CDH20: variants seen among roughly 807,000 people sequenced by gnomAD.
The protein encoded by CDH20 is cadherin-20.
In CDH20, 29 loss-of-function variants were observed where a neutral mutation model predicts 74.2. That is an observed-to-expected ratio of 0.39 (90% CI 0.29 to 0.53). The LOEUF (loss-of-function observed/expected upper bound fraction) is 0.53. Among genes scored for constraint, CDH20 ranks in the 20% least tolerant of loss-of-function variants. The probability of loss-of-function intolerance (pLI) is 0.69; values close to 1 mark genes in which losing one functional copy is unlikely to be tolerated. For synonymous variants in CDH20, 469 were observed against 405.4 expected, an observed-to-expected ratio of 1.16 and a Z score of -1.88; for missense variants, 988 against 1,048.3, an observed-to-expected ratio of 0.94 and a Z score of 0.79.
chr18:61,520,765 A>G (rs746175419), intron 6 of CDH20, among the ~76,000 whole-genome samples: 3 of 151,296 alleles, frequency 2.0e-5, no homozygotes, highest in Non-Finnish European at 2.9e-5. Context: ...ATCAAATTAG[A>G]ACTCAGGATT....
chr18:61,469,644 T>C (rs111774334), intron 1 of CDH20, among the ~76,000 whole-genome samples: 1,715 of 152,312 alleles, frequency 0.011, 31 homozygotes, highest in African/African-American at 0.038. Context: ...AGCAGGGAGC[T>C]TGTGGCATTT....
chr18:61,456,486 T>G (rs537261084), intron 1 of CDH20, among the ~76,000 whole-genome samples: 1 of 152,212 alleles, frequency 6.6e-6, no homozygotes, highest in Non-Finnish European at 1.5e-5. Context: ...GCTGCTTTTA[T>G]GTTTAAAAAT....
In CDH20 at chr18:61,341,126, A is replaced by C. The variant is rs568141276; in HGVS notation, c.-153+7299A>C. On this transcript the variant is annotated intron_variant, in intron 1 of 11. Coordinates refer to ENST00000262717, the MANE Select transcript of CDH20 (RefSeq NM_031891.4). ...CGTACCCACCTCCCACACGGGTGCCAATGTTCTCTTATGTTTTACTCTGTC... is the reference window on the plus strand; with the variant it reads ...CGTACCCACCTCCCACACGGGTGCCCATGTTCTCTTATGTTTTACTCTGTC... Among the ~76,000 whole-genome samples, 47 of 152,302 alleles carry C rather than the reference A, an allele frequency of 3.1e-4. 2 individuals are homozygous for C. The South Asian group carries it at 4.6e-3, about 15-fold the overall frequency.
intron 1 of CDH20, among the ~76,000 whole-genome samples, chr18:61,472,282 G>A (rs754742364): frequency 2.6e-5 from 4 of 152,020 alleles, no homozygotes; most frequent in Non-Finnish European, 5.9e-5. Context: ...GGCTGGCTGG[G>A]TCTTACTTCC....
chr18:61,444,229 C>G (rs889634464), intron 1 of CDH20, among the ~76,000 whole-genome samples: 10 of 152,024 alleles, frequency 6.6e-5, no homozygotes, highest in Non-Finnish European at 2.9e-5. Context: ...AGACTAGTAT[C>G]TAATACATAG....
intron 1 of CDH20, among the ~76,000 whole-genome samples, chr18:61,429,537 G>T (rs1913182999): frequency 2.6e-5 from 4 of 152,274 alleles, no homozygotes; most frequent in Middle Eastern, 6.8e-3. Flanking sequence ...GCTCCGAAGA[G>T]AAATCGTGTT....
chr18:61,489,203 T>C (rs867507034), intron 1 of CDH20, among the ~76,000 whole-genome samples: 60 of 152,324 alleles, frequency 3.9e-4, no homozygotes, highest in African/African-American at 1.3e-3. Flanking sequence ...AGTTTAAAAT[T>C]TCTTTTGTAC....
intron 1 of CDH20, among the ~76,000 whole-genome samples, chr18:61,416,233 C>T (rs770873833): frequency 1.3e-5 from 2 of 152,090 alleles, no homozygotes; most frequent in Non-Finnish European, 2.9e-5. Context: ...ATAGTTAAAA[C>T]CATTTTTAAA....
At chr18:61,361,226 A>G (rs1910683192) in intron 1 of CDH20, among the ~76,000 whole-genome samples, 1 of 152,344 alleles carries the variant, frequency 6.6e-6, no homozygotes, top group East Asian at 1.9e-4. Context: ...GCTAGGGGGA[A>G]GGAGGTAAAC....
intron 7 of CDH20, among the ~76,000 whole-genome samples, chr18:61,530,903 T>G (rs1912613699): frequency 6.6e-6 from 1 of 152,132 alleles, no homozygotes; most frequent in Admixed American, 6.5e-5. Context: ...TGTCCTCAGC[T>G]AAGTGACAAG....
chr18:61,536,261 T>C (rs956202442), intron 7 of CDH20, among the ~76,000 whole-genome samples: 15 of 152,204 alleles, frequency 9.9e-5, no homozygotes, highest in Non-Finnish European at 1.8e-4. Context: ...GTCGGCACCC[T>C]GTTTATTTCA....
intron 1 of CDH20, among the ~76,000 whole-genome samples, chr18:61,479,963 A>T (rs981827592): frequency 1.3e-5 from 2 of 152,220 alleles, no homozygotes; most frequent in Admixed American, 6.5e-5. Context: ...AGCAATTTTC[A>T]TCATAGACTT....
chr18:61,414,440 C>T (rs574373086), intron 1 of CDH20, among the ~76,000 whole-genome samples: 3 of 152,178 alleles, frequency 2.0e-5, no homozygotes, highest in Non-Finnish European at 2.9e-5. Context: ...AATTAGGGCA[C>T]GTCATCATTT....
At chr18:61,384,161 G>A (rs1425912044) in intron 1 of CDH20, among the ~76,000 whole-genome samples, 1 of 152,088 alleles carries the variant, frequency 6.6e-6, no homozygotes, top group African/African-American at 2.4e-5. Flanking sequence ...CAGGCTACCA[G>A]GTATCTTCAC....
At chr18:61,433,386 C>T (rs1416514550) in intron 1 of CDH20, among the ~76,000 whole-genome samples, 3 of 151,976 alleles carry the variant, frequency 2.0e-5, no homozygotes, top group African/African-American at 4.8e-5. Flanking sequence ...CTTTGTATTG[C>T]CTTTTTTATT....
chr18:61,423,928 A>G (rs1448261479), intron 1 of CDH20, among the ~76,000 whole-genome samples: 2 of 152,172 alleles, frequency 1.3e-5, no homozygotes, highest in Non-Finnish European at 2.9e-5. Context: ...TCCTTTCTAA[A>G]TGTTTATATT....
rs568268189 is a variant in CDH20 at position 61,494,755 on chromosome 18, T to C, written c.246+3956T>C. On this transcript the variant is annotated intron_variant, in intron 2 of 11. Coordinates refer to ENST00000262717, the MANE Select transcript of CDH20 (RefSeq NM_031891.4). ...GGACAAGGCAGTGTCAAGTTAAAGC[T>C]AGATTATATTGACATATGCAAAGAG... Among the ~76,000 whole-genome samples the C allele has an allele frequency of 6.6e-5, 10 of 152,268 alleles. No individual in the cohort carries two copies. The South Asian group carries it at 2.1e-3, about 32-fold the overall frequency.
intron 1 of CDH20, among the ~76,000 whole-genome samples, chr18:61,455,771 G>A (rs1376323223): frequency 6.6e-6 from 1 of 152,152 alleles, no homozygotes; most frequent in Non-Finnish European, 1.5e-5. Flanking sequence ...ATAAAGATAT[G>A]AGAACTCAAG....
At chr18:61,406,640 A>C (rs1391318154) in intron 1 of CDH20, among the ~76,000 whole-genome samples, 1 of 152,264 alleles carries the variant, frequency 6.6e-6, no homozygotes, top group Non-Finnish European at 1.5e-5. Context: ...TGGCTTCCTT[A>C]GACAGGGTGG....
Sources: allele counts gnomAD v4.1 joint callset (sites outside exome capture counted in the v4.1 genomes callset), GRCh38; gene constraint gnomAD v4.1.1; transcripts MANE v1.5; gene names NCBI Gene and HGNC (gene_info 2026-07-23, HGNC 2026-07-21).